The following RAD54B variants were observed in gnomAD, a reference collection of about 807,000 sequenced individuals.
The protein encoded by RAD54B is DNA repair and recombination protein RAD54B.
RAD54B carries 78 observed loss-of-function variants against 95.8 expected under a neutral mutation model. The ratio of observed to expected loss-of-function variants is 0.81; its 90% CI spans 0.68 to 0.98. The LOEUF (loss-of-function observed/expected upper bound fraction) is 0.98. Among genes scored for constraint, RAD54B ranks in the 50% least tolerant of loss-of-function variants. The pLI is 0.00. For synonymous variants in RAD54B, 328 were observed against 354.9 expected, an observed-to-expected ratio of 0.92 and a Z score of 0.85; for missense variants, 957 against 1,056.6, an observed-to-expected ratio of 0.91 and a Z score of 1.31.
At chr8:94,382,113 CAAA>C (rs537712504) in intron 11 of RAD54B, among the ~76,000 whole-genome samples, 3 of 106,746 alleles carry the variant, frequency 2.8e-5, no homozygotes, top group Non-Finnish European at 3.8e-5. Flanking sequence ...GACTCCCTCT[CAAA>C]AAAAAAAAAA....
chr8:94,380,881 T>C (rs1027293222), intron 11 of RAD54B, among the ~76,000 whole-genome samples: 2 of 152,164 alleles, frequency 1.3e-5, no homozygotes, highest in South Asian at 2.1e-4. Context: ...TATTACAACA[T>C]TGGTACGTAG....
Position 94,429,123 on chromosome 8 carries a change from A to G in RAD54B, c.305-17808T>C, listed in dbSNP as rs560856540. 7.4e-5 allele frequency: 73 copies of G among 984,940 alleles called. No individual in the cohort carries two copies. In the African/African-American group the frequency reaches 1.2e-3, roughly 16 times the overall value. The allele number at this position is 984,940 out of a possible 1,614,324, so 61.0% of individuals were successfully genotyped here. ...GGAAAAGTTGCTGCAGTAAACTCAA[A>G]GAGTGTGATTCTGGTGTTTAAAAAT... On this transcript the variant is annotated intron_variant, in intron 3 of 14. Coordinates refer to ENST00000336148, the MANE Select transcript of RAD54B (RefSeq NM_012415.3).
In RAD54B at chr8:94,380,463, T is replaced by C. The variant is rs1362874949; in HGVS notation, c.1986-57A>G. 3 of 1,501,826 alleles carry C rather than the reference T, an allele frequency of 2.0e-6. No individual in the cohort carries two copies. In the East Asian group the frequency reaches 6.8e-5, roughly 34 times the overall value. 93.0% of individuals were successfully genotyped at this position (1,501,826 alleles called of 1,614,324 possible). A position where few individuals can be genotyped will look rare whatever the true frequency, so the allele number is the denominator to read the frequency against. On this transcript the variant is annotated intron_variant, in intron 11 of 14. Transcript: ENST00000336148. ...AATTTAAAGGCAGCATTAGATTTTCTTAGTTGAAAGAAAATACCACAATAA... is the reference window on the plus strand; with the variant it reads ...AATTTAAAGGCAGCATTAGATTTTCCTAGTTGAAAGAAAATACCACAATAA...
intron 6 of RAD54B, 82 bp from the exon 7 acceptor site, chr8:94,400,545 T>C (rs1811245812): frequency 1.7e-6 from 2 of 1,145,648 alleles, no homozygotes. Context: ...CAGAAACTGA[T>C]ATTTTGTAAT....
chr8:94,447,740 C>G (rs1286454294), intron 3 of RAD54B, among the ~76,000 whole-genome samples: 2 of 152,208 alleles, frequency 1.3e-5, no homozygotes, highest in Non-Finnish European at 2.9e-5. Flanking sequence ...AACCATCTGC[C>G]TGTCATGAGA....
intron 3 of RAD54B, among the ~76,000 whole-genome samples, chr8:94,438,204 A>G (rs2130126987): frequency 6.6e-6 from 1 of 152,362 alleles, no homozygotes. Flanking sequence ...TTCTTTTAAC[A>G]ATGGAGAAGC....
intron 3 of RAD54B, among the ~76,000 whole-genome samples, chr8:94,419,051 AAAAAG>A (rs1448158810): frequency 1.3e-5 from 2 of 151,968 alleles, no homozygotes; most frequent in Non-Finnish European, 2.9e-5. Context: ...TACCTGAGAA[AAAAAG>A]AAAAGATTCT....
chr8:94,436,440 G>A, intron 3 of RAD54B: 1 of 1,473,994 alleles, frequency 6.8e-7, no homozygotes, highest in Non-Finnish European at 8.9e-7. Flanking sequence ...CTAAGCCAAA[G>A]CCCAATAGAT....
intron 14 of RAD54B, among the ~76,000 whole-genome samples, chr8:94,376,557 A>C (rs1212920424): frequency 1.3e-5 from 2 of 151,446 alleles, no homozygotes; most frequent in African/African-American, 4.8e-5. Context: ...AGGGAGGATA[A>C]AGTGTTAATT....
intron 5 of RAD54B, among the ~76,000 whole-genome samples, chr8:94,405,331 T>G (rs570538273): frequency 6.6e-6 from 1 of 151,998 alleles, no homozygotes; most frequent in South Asian, 2.1e-4. Context: ...ATCATGTTTA[T>G]AAAAATTGAA....
chr8:94,416,326 T>C (rs7836446), intron 3 of RAD54B, among the ~76,000 whole-genome samples: 20,056 of 151,160 alleles, frequency 0.13, 1,881 homozygotes, highest in African/African-American at 0.26. Context: ...TGAGAACACA[T>C]GGACACAGGA....
intron 3 of RAD54B, among the ~76,000 whole-genome samples, chr8:94,451,500 ACT>A (rs775510424): frequency 1.3e-5 from 2 of 152,166 alleles, no homozygotes; most frequent in Non-Finnish European, 2.9e-5. Context: ...TTTCAAAGTA[ACT>A]CTCCATAGAT....
Position 94,387,104 on chromosome 8 carries a change from C to G in RAD54B, c.1865G>C (p.Gly622Ala). 6 of 1,611,012 alleles carry G rather than the reference C, an allele frequency of 3.7e-6. No homozygotes were observed. Among genetic ancestry groups the G allele is most frequent in the Non-Finnish European group, 5.1e-6 (6 of 1,178,820 alleles). The part of the protein sequence containing the change: ...DKNEEKSLYK[G>A]LLSVFPADYN... ...GTCAGCAGGAAACACACTTAGCAAG[C>G]CTTTGTATAGACTCTTTTCTTCATT... Residue 622 changes from glycine (G) to alanine (A), a missense_variant, in exon 11 of 15, where the codon GGC (glycine) becomes GCC (alanine). By Grantham distance (60) the Gly-to-Ala change is moderately conservative. Transcript: ENST00000336148.
At chr8:94,385,780 G>A (rs1810875832) in intron 11 of RAD54B, among the ~76,000 whole-genome samples, 1 of 152,214 alleles carries the variant, frequency 6.6e-6, no homozygotes, top group South Asian at 2.1e-4. Context: ...TTGGCCAGAA[G>A]AATGAGAAGC....
intron 3 of RAD54B, among the ~76,000 whole-genome samples, chr8:94,420,262 T>TG (rs1432455381): frequency 7.5e-6 from 1 of 134,152 alleles, no homozygotes; most frequent in Non-Finnish European, 1.6e-5. Context: ...TTTTTTTTTT[T>TG]TTTTTTTTTT....
At chr8:94,436,537 A>G in intron 3 of RAD54B, 1 of 1,550,138 alleles carries the variant, frequency 6.5e-7, no homozygotes, top group Non-Finnish European at 8.7e-7. Context: ...AAAACTGGAA[A>G]TCTGGGGAAT....
chr8:94,446,621 C>A (rs1415963333), intron 3 of RAD54B, among the ~76,000 whole-genome samples: 2 of 152,178 alleles, frequency 1.3e-5, no homozygotes, highest in Admixed American at 6.5e-5. Flanking sequence ...CTGGCAGGTT[C>A]CCTCCTGTCT....
intron 14 of RAD54B, among the ~76,000 whole-genome samples, chr8:94,376,731 A>C (rs1036546081): frequency 8.1e-5 from 12 of 148,618 alleles, no homozygotes; most frequent in Non-Finnish European, 5.9e-5. Context: ...TATTATATTT[A>C]GTTATTAGTT....
Position 94,372,367 on chromosome 8 carries a change from T to C in RAD54B, c.2536A>G (p.Ile846Val). Residue 846 changes from isoleucine (I) to valine (V), a missense_variant, in exon 15 of 15, where the codon ATT becomes GTT. Physicochemically the swap from Ile to Val is conservative, Grantham distance 29. Transcript: ENST00000336148. ...CCAAGCTGACAATCTCTAGAGACAA[T>C]GAATTTTTCCAACGAATCACCTGTA... is the stretch of plus-strand genomic sequence containing the variant. ...VHTGDSLEKF[I>V]VSRDCQLGPH... 1.9e-6 allele frequency: 3 copies of C among 1,612,952 alleles called. No homozygotes were observed. Among genetic ancestry groups the C allele is most frequent in the Non-Finnish European group, 2.5e-6 (3 of 1,179,748 alleles).
Sources: allele counts gnomAD v4.1 joint callset (sites outside exome capture counted in the v4.1 genomes callset), GRCh38; gene constraint gnomAD v4.1.1; transcripts MANE v1.5; gene names NCBI Gene and HGNC (gene_info 2026-07-23, HGNC 2026-07-21).